Variants in MAST4 observed in about 807,000 individuals in gnomAD.
MAST4 encodes the protein microtubule associated serine/threonine kinase family member 4.
MAST4 carries 89 observed loss-of-function variants against 162.7 expected under a neutral mutation model. The observed-to-expected ratio is 0.55, with a 90% confidence interval of 0.46 to 0.65. The LOEUF (loss-of-function observed/expected upper bound fraction) is 0.65, where lower values mean the gene tolerates loss of function less well. Ranked by LOEUF, MAST4 falls within the 30% of genes least tolerant of loss-of-function variation. The pLI is 0.00. For synonymous variants in MAST4, 1,479 were observed against 1,361.1 expected (o/e 1.09, Z -1.91); for missense variants, 3,153 against 3,374.0 (o/e 0.93, Z 1.62).
chr5:66,775,973 T>C (rs1273051725), intron 2 of MAST4, among the ~76,000 whole-genome samples: 1 of 152,232 alleles, frequency 6.6e-6, no homozygotes, highest in Non-Finnish European at 1.5e-5. Flanking sequence ...AGAAAGAATT[T>C]GAAATCTACT....
chr5:66,637,939 G>C (rs942922490), intron 1 of MAST4, among the ~76,000 whole-genome samples: 5 of 152,200 alleles, frequency 3.3e-5, no homozygotes, highest in Non-Finnish European at 7.3e-5. Flanking sequence ...TCAAGTTCAA[G>C]TGATCTGCCT....
chr5:66,845,370 T>C (rs1758774394), intron 3 of MAST4, among the ~76,000 whole-genome samples: 1 of 151,722 alleles, frequency 6.6e-6, no homozygotes, highest in Non-Finnish European at 1.5e-5. Flanking sequence ...CATGCAGTGT[T>C]TGGTTTTTTG....
At chr5:67,132,174 A>G (rs541208640) in intron 16 of MAST4, among the ~76,000 whole-genome samples, 1 of 152,188 alleles carries the variant, frequency 6.6e-6, no homozygotes, top group African/African-American at 2.4e-5. Context: ...ATGCATATGT[A>G]TATATATATT....
intron 6 of MAST4, among the ~76,000 whole-genome samples, chr5:67,093,177 G>C (rs1207444537): frequency 6.6e-6 from 1 of 151,880 alleles, no homozygotes; most frequent in Non-Finnish European, 1.5e-5. Flanking sequence ...TTATTTTTTT[G>C]CTGATCTTTT....
At chr5:66,609,698 T>G (rs1043405980) in intron 1 of MAST4, among the ~76,000 whole-genome samples, 1 of 110,572 alleles carries the variant, frequency 9.0e-6, no homozygotes, top group African/African-American at 5.0e-5. Flanking sequence ...GGTGTTTTTT[T>G]TTTTTTGTTT....
Position 66,608,503 on chromosome 5 carries a change from T to C in MAST4, c.363+11485T>C, listed in dbSNP as rs555327195. 1.3e-4 allele frequency among the ~76,000 whole-genome samples: 20 copies of C among 152,004 alleles called. No homozygotes were observed. In the South Asian group the frequency reaches 3.5e-3, roughly 27 times the overall value. Reference sequence around the variant, plus strand: ...TACATAGGAAAATATGGACGACTTATATGTTCTGCTTTAATTCTTTTACAC... The same window carrying C: ...TACATAGGAAAATATGGACGACTTACATGTTCTGCTTTAATTCTTTTACAC... On this transcript the variant is annotated intron_variant, in intron 1 of 28. Transcript: ENST00000403625.
intron 1 of MAST4, among the ~76,000 whole-genome samples, chr5:66,703,835 G>A (rs1362767541): frequency 6.6e-6 from 1 of 152,146 alleles, no homozygotes; most frequent in Non-Finnish European, 1.5e-5. Flanking sequence ...GATCTCTTTA[G>A]GCAATCAGAA....
intron 3 of MAST4, among the ~76,000 whole-genome samples, chr5:66,814,014 T>C (rs941405493): frequency 1.3e-5 from 2 of 152,314 alleles, no homozygotes; most frequent in African/African-American, 4.8e-5. Context: ...TTGAACACTT[T>C]CTGCTTCACC....
chr5:66,883,848 G>A (rs1019390415), intron 3 of MAST4, among the ~76,000 whole-genome samples: 10 of 152,146 alleles, frequency 6.6e-5, no homozygotes, highest in Non-Finnish European at 2.9e-5. Flanking sequence ...TTTCTTTAGC[G>A]ATTTGATCAC....
chr5:66,613,805 T>G (rs774467459), intron 1 of MAST4, among the ~76,000 whole-genome samples: 2 of 152,222 alleles, frequency 1.3e-5, no homozygotes, highest in Non-Finnish European at 2.9e-5. Flanking sequence ...AGGAAAAACC[T>G]AATCTGTTAA....
chr5:66,612,291 G>A (rs574762306), intron 1 of MAST4, among the ~76,000 whole-genome samples: 1 of 152,298 alleles, frequency 6.6e-6, no homozygotes, highest in African/African-American at 2.4e-5. Flanking sequence ...AGTACTAGGT[G>A]GGTGAAATGT....
At chr5:67,117,866 G>A (rs1249993170) in intron 12 of MAST4, among the ~76,000 whole-genome samples, 1 of 152,068 alleles carries the variant, frequency 6.6e-6, no homozygotes, top group East Asian at 1.9e-4. Context: ...AGACACCTTT[G>A]TCTCTTTTAA....
At chr5:66,766,621 A>G (rs914922631) in intron 2 of MAST4, among the ~76,000 whole-genome samples, 2 of 152,106 alleles carry the variant, frequency 1.3e-5, no homozygotes, top group African/African-American at 2.4e-5. Flanking sequence ...GTAGTACCCA[A>G]TGGGTTTCTC....
chr5:66,978,804 G>A (rs1434128738), intron 4 of MAST4, among the ~76,000 whole-genome samples: 2 of 152,206 alleles, frequency 1.3e-5, no homozygotes, highest in Non-Finnish European at 2.9e-5. Flanking sequence ...ATAGACTATA[G>A]TGTTTCACTT....
intron 4 of MAST4, among the ~76,000 whole-genome samples, chr5:66,943,199 A>C (rs1052256177): frequency 6.6e-6 from 1 of 152,148 alleles, no homozygotes; most frequent in East Asian, 1.9e-4. Flanking sequence ...AGAAAAGTTA[A>C]GTATCCCTTC....
intron 1 of MAST4, among the ~76,000 whole-genome samples, chr5:66,737,195 T>C (rs1020385231): frequency 6.6e-6 from 1 of 152,190 alleles, no homozygotes; most frequent in Non-Finnish European, 1.5e-5. Flanking sequence ...AGCAGTCCTC[T>C]GATGGTTTGA....
chr5:66,862,339 A>G (rs1230052289), intron 3 of MAST4, among the ~76,000 whole-genome samples: 1 of 152,148 alleles, frequency 6.6e-6, no homozygotes, highest in Non-Finnish European at 1.5e-5. Context: ...GTGCCATGTG[A>G]TATCATTAGA....
intron 3 of MAST4, among the ~76,000 whole-genome samples, chr5:66,873,748 C>G (rs911437483): frequency 6.6e-6 from 1 of 152,162 alleles, no homozygotes; most frequent in African/African-American, 2.4e-5. Context: ...CATTTTTCCA[C>G]TAAGGCTCCT....
intron 4 of MAST4, among the ~76,000 whole-genome samples, chr5:66,913,148 T>C (rs1223111053): frequency 1.3e-5 from 2 of 152,172 alleles, no homozygotes; most frequent in East Asian, 1.9e-4. Context: ...TACAATAAAC[T>C]GTACATAATT....
Sources: allele counts gnomAD v4.1 joint callset (sites outside exome capture counted in the v4.1 genomes callset), GRCh38; gene constraint gnomAD v4.1.1; transcripts MANE v1.5; gene names NCBI Gene and HGNC (gene_info 2026-07-23, HGNC 2026-07-21).